ATE1: variants seen among roughly 807,000 people sequenced by gnomAD.
The protein encoded by ATE1 is arginyltransferase 1.
In ATE1, 36 loss-of-function variants were observed where a neutral mutation model predicts 70.5. The ratio of observed to expected loss-of-function variants is 0.51; its 90% CI spans 0.39 to 0.67. The LOEUF (loss-of-function observed/expected upper bound fraction) is 0.67, where lower values mean the gene tolerates loss of function less well. Ranked by LOEUF, ATE1 falls within the 30% of genes least tolerant of loss-of-function variation. The pLI is 0.00. For synonymous variants in ATE1, 232 were observed against 219.3 expected, an observed-to-expected ratio of 1.06 and a Z score of -0.51; for missense variants, 593 against 629.5, an observed-to-expected ratio of 0.94 and a Z score of 0.62.
intron 10 of ATE1, among the ~76,000 whole-genome samples, chr10:121,816,519 C>A (rs759164259): frequency 8.5e-5 from 13 of 152,136 alleles, no homozygotes; most frequent in Non-Finnish European, 1.6e-4. Flanking sequence ...GTGTTTGTTC[C>A]CTTTTTGTCC....
At chr10:121,821,369 G>C (rs1947791459) in intron 10 of ATE1, among the ~76,000 whole-genome samples, 1 of 152,178 alleles carries the variant, frequency 6.6e-6, no homozygotes, top group African/African-American at 2.4e-5. Flanking sequence ...CTCATCAAAA[G>C]ATACCATGAA....
At chr10:121,809,846 G>A (rs1947247707) in intron 10 of ATE1, among the ~76,000 whole-genome samples, 1 of 151,804 alleles carries the variant, frequency 6.6e-6, no homozygotes. Flanking sequence ...AGAATCGTGA[G>A]GGAAACCAGG....
At chr10:121,796,603 G>C (rs1279335627) in intron 10 of ATE1, among the ~76,000 whole-genome samples, 1 of 152,040 alleles carries the variant, frequency 6.6e-6, no homozygotes, top group South Asian at 2.1e-4. Context: ...CTTTTTCTTT[G>C]ATGAAAACCA....
intron 2 of ATE1, among the ~76,000 whole-genome samples, chr10:121,923,272 C>T (rs1010870784): frequency 1.3e-5 from 2 of 152,154 alleles, no homozygotes; most frequent in African/African-American, 4.8e-5. Context: ...ATGTTCGAGA[C>T]CAGCACGGGC....
chr10:121,745,945 AG>A (rs1702314082), intron 11 of ATE1, among the ~76,000 whole-genome samples: 1 of 152,220 alleles, frequency 6.6e-6, no homozygotes, highest in Non-Finnish European at 1.5e-5. Flanking sequence ...GTTAAGTGAA[AG>A]GCAAAAGTAG....
At chr10:121,849,885 C>G (rs376457910) in intron 8 of ATE1, among the ~76,000 whole-genome samples, 4 of 152,106 alleles carry the variant, frequency 2.6e-5, no homozygotes, top group Non-Finnish European at 4.4e-5. Flanking sequence ...AAATTCAGTG[C>G]CTGCCCTCCA....
intron 8 of ATE1, among the ~76,000 whole-genome samples, chr10:121,859,623 T>G (rs576338238): frequency 3.3e-5 from 5 of 152,264 alleles, no homozygotes; most frequent in Non-Finnish European, 5.9e-5. Context: ...GACATACATT[T>G]GTGTCAGCAG....
At chr10:121,847,757 A>C (rs1948889065) in intron 8 of ATE1, among the ~76,000 whole-genome samples, 2 of 15,358 alleles carry the variant, frequency 1.3e-4, no homozygotes, top group Non-Finnish European at 2.5e-4. Flanking sequence ...ACTCTGTCTC[A>C]AAAAAAAAAA....
At chr10:121,822,390 A>T (rs1466775132) in intron 10 of ATE1, among the ~76,000 whole-genome samples, 1 of 152,170 alleles carries the variant, frequency 6.6e-6, no homozygotes, top group African/African-American at 2.4e-5. Context: ...ATGGGACCAT[A>T]ACCAAGGATG....
At chr10:121,852,240 C>T (rs1471278017) in intron 8 of ATE1, among the ~76,000 whole-genome samples, 1 of 152,160 alleles carries the variant, frequency 6.6e-6, no homozygotes, top group African/African-American at 2.4e-5. Flanking sequence ...ATACCTCTCC[C>T]ACATTGTACC....
intron 10 of ATE1, among the ~76,000 whole-genome samples, chr10:121,802,661 A>G (rs1946937060): frequency 6.6e-6 from 1 of 151,950 alleles, no homozygotes; most frequent in Admixed American, 6.6e-5. Context: ...TACTTTACCA[A>G]GCTTTCCTTC....
chr10:121,864,120 A>G (rs1019089840), intron 8 of ATE1, among the ~76,000 whole-genome samples: 1 of 152,240 alleles, frequency 6.6e-6, no homozygotes, highest in Non-Finnish European at 1.5e-5. Context: ...TAAAAAATTT[A>G]AAATTCAGTT....
chr10:121,903,845 T>A (rs1023539064), intron 5 of ATE1, among the ~76,000 whole-genome samples: 4 of 151,864 alleles, frequency 2.6e-5, no homozygotes, highest in East Asian at 1.9e-4. Flanking sequence ...AATAAAAAAA[T>A]TTTTACTATT....
chr10:121,749,722 C>G (rs1159230906), intron 11 of ATE1, among the ~76,000 whole-genome samples: 1 of 152,132 alleles, frequency 6.6e-6, no homozygotes, highest in Non-Finnish European at 1.5e-5. Flanking sequence ...ACGTCAGCCC[C>G]CCATGCAGAA....
At chr10:121,746,863 ATAACACTC>A (rs1256064692) in intron 11 of ATE1, among the ~76,000 whole-genome samples, 1 of 152,244 alleles carries the variant, frequency 6.6e-6, no homozygotes, top group Non-Finnish European at 1.5e-5. Flanking sequence ...AGTGACAGGC[ATAACACTC>A]TTCTTCCGAC....
At chr10:121,853,229 T>C (rs987055726) in intron 8 of ATE1, among the ~76,000 whole-genome samples, 1 of 151,874 alleles carries the variant, frequency 6.6e-6, no homozygotes, top group African/African-American at 2.4e-5. Flanking sequence ...CCGGGCATGG[T>C]GGCGGGCGCC....
chr10:121,841,657 C>T (rs1463377829), intron 8 of ATE1, among the ~76,000 whole-genome samples: 1 of 152,114 alleles, frequency 6.6e-6, no homozygotes, highest in African/African-American at 2.4e-5. Context: ...TAAGTGAAGT[C>T]ACCCAGGAAT....
intron 11 of ATE1, among the ~76,000 whole-genome samples, chr10:121,764,115 T>G (rs1440519457): frequency 1.3e-5 from 2 of 151,638 alleles, no homozygotes; most frequent in African/African-American, 4.8e-5. Context: ...AGCACACCAA[T>G]GTGAGATGTT....
At chr10:121,806,301 A>G (rs1161414545) in intron 10 of ATE1, among the ~76,000 whole-genome samples, 2 of 152,098 alleles carry the variant, frequency 1.3e-5, no homozygotes, top group African/African-American at 4.8e-5. Context: ...AAAAATATAA[A>G]AATTAGCCAG....
Sources: gnomAD v4.1 joint callset for allele counts (sites outside exome capture counted in the v4.1 genomes callset) on GRCh38, gnomAD v4.1.1 for gene constraint, MANE v1.5 for transcripts, NCBI Gene and HGNC (gene_info 2026-07-23, HGNC 2026-07-21) for gene names.